NKIRAS1: variants seen among roughly 807,000 people sequenced by gnomAD.
The protein encoded by NKIRAS1 is NFKB inhibitor interacting Ras like 1.
Under a neutral mutation model 19.8 loss-of-function variants are expected in NKIRAS1, and 16 were observed. That is an observed-to-expected ratio of 0.81 (90% CI 0.55 to 1.23). NKIRAS1 has a LOEUF of 1.23. Among genes scored for constraint, NKIRAS1 ranks in the 50% most tolerant of loss-of-function variants. NKIRAS1 has a pLI of 0.00. For synonymous variants in NKIRAS1, 88 were observed against 79.0 expected (o/e 1.11, Z -0.61); for missense variants, 184 against 220.0 (o/e 0.84, Z 1.04).
intron 3 of NKIRAS1, among the ~76,000 whole-genome samples, chr3:23,906,696 G>A (rs993325675): frequency 1.3e-5 from 2 of 150,808 alleles, no homozygotes; most frequent in East Asian, 1.9e-4. Context: ...AGGAGGTGGA[G>A]GCTGCAGTGA....
chr3:23,941,404 G>C (rs919588023), intron 1 of NKIRAS1, among the ~76,000 whole-genome samples: 16 of 152,142 alleles, frequency 1.1e-4, no homozygotes, highest in African/African-American at 3.9e-4. Flanking sequence ...GTATGTAAGG[G>C]CTAATGAGGT....
chr3:23,917,623 C>A, upstream of NKIRAS1: 1 of 474,644 alleles, frequency 2.1e-6, no homozygotes, highest in Non-Finnish European at 3.7e-6. Context: ...TAATTCGCCC[C>A]ACCAAAACGT....
At chr3:23,939,882 T>C (rs1575135693) in intron 1 of NKIRAS1, among the ~76,000 whole-genome samples, 1 of 152,316 alleles carries the variant, frequency 6.6e-6, no homozygotes, top group African/African-American at 2.4e-5. Context: ...CCTAGAATAA[T>C]AATTTATCAA....
In NKIRAS1 at chr3:23,932,376, TA is replaced by T. The variant is rs1705333567; in HGVS notation, c.-140+13946del. ...CCTGAAGTGTACCTCTCTAACAAAT[TA>T]ATCTCGCATAAGGACTGTTTATTAT... On this transcript the variant is annotated intron_variant, in intron 1 of 4. Coordinates refer to the NKIRAS1 transcript ENST00000421515. Among the ~76,000 whole-genome samples the T allele has an allele frequency of 3.9e-5, 6 of 152,286 alleles. No homozygotes were observed. In the South Asian group the frequency reaches 1.0e-3, roughly 26 times the overall value.
At chr3:23,919,770 TAAATTCTTTAAAAGGAGAG>T, upstream of NKIRAS1, 1 of 1,150,174 alleles carries the variant, frequency 8.7e-7, no homozygotes, top group East Asian at 4.5e-5. Flanking sequence ...ACAGGCTTAA[TAAATTCTTTAAAAGGAGAG>T]AACTGAAACT....
chr3:23,917,414 G>A (rs112251225), upstream of NKIRAS1: 87 of 153,928 alleles, frequency 5.7e-4, no homozygotes, highest in Non-Finnish European at 1.1e-3. Context: ...TGGGGCTGAC[G>A]AATGGGGCGC....
intron 1 of NKIRAS1, among the ~76,000 whole-genome samples, chr3:23,940,377 G>A (rs113950140): frequency 6.6e-6 from 1 of 151,858 alleles, no homozygotes; most frequent in Non-Finnish European, 1.5e-5. Context: ...GCAACAGTGT[G>A]AATTTTTTTT....
chr3:23,920,954 T>C (rs1252093592), upstream of NKIRAS1: 1 of 165,500 alleles, frequency 6.0e-6, no homozygotes, highest in African/African-American at 2.4e-5. Flanking sequence ...AGAAATAATA[T>C]AATTTGAGAT....
intron 1 of NKIRAS1, chr3:23,945,501 C>CGCGGCGCTGAGGCGGCGGCG (rs1388029936): frequency 7.7e-6 from 7 of 914,110 alleles, no homozygotes; most frequent in African/African-American, 1.9e-5. Context: ...CCCGGGGCGG[C>CGCGGCGCTGAGGCGGCGGCG]GCGGCGCTGA....
intron 1 of NKIRAS1, among the ~76,000 whole-genome samples, chr3:23,936,913 C>T (rs1037327429): frequency 5.7e-5 from 5 of 87,868 alleles, no homozygotes; most frequent in African/African-American, 2.0e-4. Context: ...CCAGTGACCA[C>T]ACTTTTTGAG....
chr3:23,892,932 A>C lies in NKIRAS1; in HGVS notation c.*163T>G. On this transcript the variant is annotated 3_prime_UTR_variant, in exon 5 of 5. Transcript: ENST00000425478. The stretch of plus-strand genomic sequence containing the variant: ...ATCAGGCAATAATAACCTTAGCCCA[A>C]ATACTTTTAACATCTAAAGTGCATT... 1 of 557,074 alleles carries C rather than the reference A, an allele frequency of 1.8e-6. No homozygotes were observed. Among genetic ancestry groups the C allele is most frequent in the South Asian group, 4.5e-5 (1 of 22,372 alleles). The allele number at this position is 557,074 out of a possible 1,614,324, so 34.5% of individuals were successfully genotyped here.
Position 23,893,053 on chromosome 3 carries a change from G to T in NKIRAS1, c.*42C>A. The T allele has an allele frequency of 6.6e-7, 1 of 1,508,302 alleles. No individual in the cohort carries two copies. Among genetic ancestry groups the T allele is most frequent in the Non-Finnish European group, 8.9e-7 (1 of 1,129,910 alleles). 93.4% of individuals were successfully genotyped at this position (1,508,302 alleles called of 1,614,324 possible). The stretch of plus-strand genomic sequence containing the variant: ...TACTCCATGTTCACAGACACTTAAA[G>T]GCAATCACTATTCAACATACAATTG... On this transcript the variant is annotated 3_prime_UTR_variant, in exon 5 of 5. Transcript: ENST00000425478.
upstream of NKIRAS1, chr3:23,919,860 A>G (rs1400231000): frequency 4.8e-5 from 49 of 1,010,494 alleles, no homozygotes; most frequent in Non-Finnish European, 5.3e-5. Context: ...AGTGATGGCA[A>G]TGCTCTGCTG....
chr3:23,944,349 G>T (rs1026107731), intron 1 of NKIRAS1, among the ~76,000 whole-genome samples: 7 of 150,864 alleles, frequency 4.6e-5, no homozygotes, highest in Non-Finnish European at 1.0e-4. Flanking sequence ...GAGCAAACTG[G>T]AAAGAGTTTT....
chr3:23,920,075 G>A (rs947843440), upstream of NKIRAS1: 3 of 985,740 alleles, frequency 3.0e-6, no homozygotes, highest in Non-Finnish European at 3.6e-6. Context: ...ACACTGGTGT[G>A]TTTTGAAGTT....
At chr3:23,921,757 TAG>T (rs1199726757), upstream of NKIRAS1, 1 of 604,906 alleles carries the variant, frequency 1.7e-6, no homozygotes, top group African/African-American at 1.9e-5. Context: ...GTATTTTTAG[TAG>T]AGACTGGGTT....
At chr3:23,917,797 C>T (rs113931562), upstream of NKIRAS1, 1 of 1,501,424 alleles carries the variant, frequency 6.7e-7, no homozygotes, top group South Asian at 1.3e-5. Context: ...CGGATACAGT[C>T]GTCTTATTGT....
chr3:23,919,078 C>T (rs981618715), upstream of NKIRAS1: 2 of 687,802 alleles, frequency 2.9e-6, no homozygotes, highest in Non-Finnish European at 5.1e-6. Context: ...TAGTAAATAA[C>T]TTGAGTAGTA....
At chr3:23,920,518 C>T, upstream of NKIRAS1, 4 of 985,264 alleles carry the variant, frequency 4.1e-6, no homozygotes, top group Non-Finnish European at 4.8e-6. Flanking sequence ...CATTGCATTT[C>T]TGTTTGCACC....
Sources: allele counts gnomAD v4.1 joint callset (sites outside exome capture counted in the v4.1 genomes callset), GRCh38; gene constraint gnomAD v4.1.1; transcripts MANE v1.5; gene names NCBI Gene and HGNC (gene_info 2026-07-23, HGNC 2026-07-21).